Variants in NAV2 observed in about 807,000 individuals in gnomAD.
NAV2 encodes the protein neuron navigator 2.
NAV2 carries 54 observed loss-of-function variants against 223.2 expected under a neutral mutation model. The observed-to-expected ratio is 0.24, with a 90% CI of 0.19 to 0.30. The LOEUF is 0.30. Ranked by LOEUF, NAV2 falls within the 10% of genes least tolerant of loss-of-function variation. NAV2 has a pLI of 1.00. For missense variants in NAV2, 2,806 were observed against 3,147.5 expected, an observed-to-expected ratio of 0.89 and a Z score of 2.60; for synonymous variants, 1,279 against 1,239.3, an observed-to-expected ratio of 1.03 and a Z score of -0.67.
chr11:19,542,341 C>T (rs899192678), intron 1 of NAV2, among the ~76,000 whole-genome samples: 5 of 152,200 alleles, frequency 3.3e-5, no homozygotes, highest in Non-Finnish European at 7.3e-5. Flanking sequence ...TACTATAATA[C>T]GATTATCCCC....
At chr11:19,759,320 T>C (rs911448273) in intron 1 of NAV2, among the ~76,000 whole-genome samples, 1 of 152,088 alleles carries the variant, frequency 6.6e-6, no homozygotes, top group African/African-American at 2.4e-5. Flanking sequence ...GCTGACCTCG[T>C]GATCCGCCTG....
chr11:19,931,186 G>A (rs2045298710), intron 6 of NAV2, among the ~76,000 whole-genome samples: 1 of 152,140 alleles, frequency 6.6e-6, no homozygotes, highest in South Asian at 2.1e-4. Flanking sequence ...CTGATGGGCA[G>A]CGTCAAGCCT....
At chr11:19,495,140 C>G (rs1347305563) in intron 1 of NAV2, among the ~76,000 whole-genome samples, 3 of 152,216 alleles carry the variant, frequency 2.0e-5, no homozygotes, top group Non-Finnish European at 4.4e-5. Flanking sequence ...ACAGCATGAA[C>G]TCAGCTGTCA....
chr11:19,504,701 C>T (rs931916525), intron 1 of NAV2, among the ~76,000 whole-genome samples: 25 of 152,164 alleles, frequency 1.6e-4, no homozygotes, highest in African/African-American at 5.3e-4. Flanking sequence ...TTATAGTAAC[C>T]AACAGTGCTT....
chr11:19,717,514 G>A (rs2050398898), intron 1 of NAV2, among the ~76,000 whole-genome samples: 1 of 152,224 alleles, frequency 6.6e-6, no homozygotes, highest in Non-Finnish European at 1.5e-5. Flanking sequence ...ATGTGATAGT[G>A]GAGAATGAAG....
chr11:19,474,139 A>G (rs541047318), intron 1 of NAV2, among the ~76,000 whole-genome samples: 1 of 152,354 alleles, frequency 6.6e-6, no homozygotes, highest in African/African-American at 2.4e-5. Context: ...GTTCTAGCCT[A>G]TGGAAGAAGT....
At chr11:20,020,387 C>T (rs755151850) in intron 11 of NAV2, among the ~76,000 whole-genome samples, 4 of 152,168 alleles carry the variant, frequency 2.6e-5, no homozygotes, top group Admixed American at 6.5e-5. Context: ...TAGAAGCAAG[C>T]GTCAAAAATG....
chr11:19,727,244 G>A (rs1035286108), intron 1 of NAV2, among the ~76,000 whole-genome samples: 1 of 152,178 alleles, frequency 6.6e-6, no homozygotes, highest in Non-Finnish European at 1.5e-5. Context: ...GCCTGGGCTG[G>A]TTGAGATAGC....
chr11:19,483,713 T>A (rs1246519882), intron 1 of NAV2, among the ~76,000 whole-genome samples: 1 of 152,228 alleles, frequency 6.6e-6, no homozygotes, highest in African/African-American at 2.4e-5. Flanking sequence ...TTAAGTTTTT[T>A]GGCAGATGAC....
chr11:19,694,330 AG>A (rs1415267433), intron 1 of NAV2, among the ~76,000 whole-genome samples: 2 of 152,152 alleles, frequency 1.3e-5, no homozygotes, highest in East Asian at 3.9e-4. Context: ...CTGCCCAGGG[AG>A]TCAACCCTCA....
chr11:19,928,241 A>G (rs2044970711), intron 6 of NAV2, among the ~76,000 whole-genome samples: 1 of 152,204 alleles, frequency 6.6e-6, no homozygotes, highest in African/African-American at 2.4e-5. Flanking sequence ...AACTAGCTCA[A>G]ATTTTAAATC....
At chr11:20,053,217 C>T (rs1208974558) in intron 17 of NAV2, among the ~76,000 whole-genome samples, 2 of 43,264 alleles carry the variant, frequency 4.6e-5, no homozygotes, top group African/African-American at 1.0e-4. Flanking sequence ...GACTACGTCT[C>T]GAAAAAAAAA....
intron 1 of NAV2, among the ~76,000 whole-genome samples, chr11:19,382,514 C>T (rs1030078592): frequency 1.3e-5 from 2 of 152,320 alleles, no homozygotes; most frequent in Admixed American, 6.5e-5. Flanking sequence ...ATAGGCTGTG[C>T]TTTCCACACA....
intron 1 of NAV2, among the ~76,000 whole-genome samples, chr11:19,639,251 T>C (rs973730147): frequency 6.6e-6 from 1 of 152,114 alleles, no homozygotes; most frequent in African/African-American, 2.4e-5. Flanking sequence ...AGGTTTGTTG[T>C]TTGACATAGA....
At chr11:19,521,414 C>G (rs1310622546) in intron 1 of NAV2, among the ~76,000 whole-genome samples, 1 of 152,162 alleles carries the variant, frequency 6.6e-6, no homozygotes, top group African/African-American at 2.4e-5. Flanking sequence ...CAAATCGGAG[C>G]TGGCTCTCTA....
intron 1 of NAV2, among the ~76,000 whole-genome samples, chr11:19,733,661 T>C (rs962433858): frequency 3.9e-5 from 6 of 152,078 alleles, no homozygotes. Flanking sequence ...GATTTAGATA[T>C]ATGGGGAGAG....
chr11:19,859,293 C>A (rs1038618451), intron 3 of NAV2, among the ~76,000 whole-genome samples: 4 of 149,384 alleles, frequency 2.7e-5, no homozygotes, highest in African/African-American at 9.9e-5. Context: ...TGCGGCCTTC[C>A]GCAGTGTTTG....
intron 1 of NAV2, among the ~76,000 whole-genome samples, chr11:19,681,181 C>T (rs2048871899): frequency 6.6e-6 from 1 of 152,196 alleles, no homozygotes; most frequent in African/African-American, 2.4e-5. Context: ...CAAGGTCATG[C>T]CTGGCAGTGA....
intron 1 of NAV2, among the ~76,000 whole-genome samples, chr11:19,414,255 A>C (rs1164493724): frequency 6.6e-6 from 1 of 152,134 alleles, no homozygotes; most frequent in Non-Finnish European, 1.5e-5. Flanking sequence ...AAAAACAAAA[A>C]CCAAACAACC....
Sources: gnomAD v4.1 joint callset for allele counts (sites outside exome capture counted in the v4.1 genomes callset) on GRCh38, gnomAD v4.1.1 for gene constraint, MANE v1.5 for transcripts, NCBI Gene and HGNC (gene_info 2026-07-23, HGNC 2026-07-21) for gene names.